NUP188: variants seen among roughly 807,000 people sequenced by gnomAD.
NUP188 encodes the protein nucleoporin NUP188.
Under a neutral mutation model 223.0 loss-of-function variants are expected in NUP188, and 97 were observed. That is an observed-to-expected ratio of 0.43 (90% CI 0.37 to 0.51). NUP188 has a LOEUF of 0.51. Among genes scored for constraint, NUP188 ranks in the 20% least tolerant of loss-of-function variants. NUP188 has a pLI of 0.00. For synonymous variants in NUP188, 869 were observed against 828.0 expected (o/e 1.05, Z -0.85); for missense variants, 1,947 against 2,175.6 (o/e 0.89, Z 2.09).
chr9:128,993,942 A>C (rs1276322256), intron 27 of NUP188, among the ~76,000 whole-genome samples: 1 of 152,230 alleles, frequency 6.6e-6, no homozygotes, highest in Non-Finnish European at 1.5e-5. Context: ...TAGCTGCATC[A>C]AAACTCATTA....
chr9:129,003,168 G>A, intron 37 of NUP188, 149 bp from the exon 38 acceptor site: 1 of 1,152,964 alleles, frequency 8.7e-7, no homozygotes, highest in Admixed American at 2.4e-5. Flanking sequence ...ACGGTCTCGG[G>A]TCAGAATCCT....
intron 4 of NUP188, among the ~76,000 whole-genome samples, chr9:128,956,641 G>A (rs561660716): frequency 6.6e-6 from 1 of 152,284 alleles, no homozygotes; most frequent in South Asian, 2.1e-4. Context: ...TTCTTCACCA[G>A]ACATGTGGTG....
intron 25 of NUP188, 177 bp from the exon 26 acceptor site, chr9:128,993,020 T>C (rs1217954164): frequency 1.7e-6 from 1 of 600,730 alleles, no homozygotes. Context: ...GTCTTTCCTG[T>C]GAATTTGCGG....
chr9:129,005,257 C>G, intron 39 of NUP188, 36 bp downstream of exon 39: 1 of 1,612,932 alleles, frequency 6.2e-7, no homozygotes, highest in South Asian at 1.1e-5. Flanking sequence ...TGGAATACCT[C>G]ACGCTAGCTT....
At chr9:128,988,903 G>C (rs1389722116) in intron 24 of NUP188, among the ~76,000 whole-genome samples, 2 of 150,808 alleles carry the variant, frequency 1.3e-5, no homozygotes, top group Non-Finnish European at 3.0e-5. Flanking sequence ...TTTTTGTTTT[G>C]TTTTGTTTTA....
At chr9:128,984,124 A>ATTTTTTTTTTTTTTTTTTTTTTTTTTTTT (rs1193631566) in intron 19 of NUP188, among the ~76,000 whole-genome samples, 8 of 93,048 alleles carry the variant, frequency 8.6e-5, no homozygotes, top group African/African-American at 2.4e-4. Context: ...GCCTGGCCTG[A>ATTTTTTTTTTTTTTTTTTTTTTTTTTTTT]TTTTTTTTTT....
Position 129,001,528 on chromosome 9 carries a change from G to C in NUP188, c.3844-1G>C. On this transcript the variant is annotated splice_acceptor_variant, in intron 34 of 43. Coordinates refer to ENST00000372577, the MANE Select transcript of NUP188 (RefSeq NM_015354.3). LOFTEE classifies it high-confidence loss of function. ...TTTTACTCATCTTTGCCTCTGGGCAGGTGTGTGTCCTGGGCCTGCACCTGG... is the reference window on the plus strand; with the variant it reads ...TTTTACTCATCTTTGCCTCTGGGCACGTGTGTGTCCTGGGCCTGCACCTGG... The C allele has an allele frequency of 6.2e-7, 1 of 1,612,538 alleles. No individual in the cohort carries two copies. The highest frequency in any genetic ancestry group is 1.1e-5 in the South Asian group (1 of 91,070).
Position 129,006,484 on chromosome 9 carries a change from C to G in NUP188, c.5074-18C>G. On this transcript the variant is annotated intron_variant, in intron 43 of 43. Coordinates refer to ENST00000372577, the MANE Select transcript of NUP188 (RefSeq NM_015354.3). ...GCCAGATGTGCTGAGCCTCACCAAGCCACTTTTTTTCTTGTAGAGCACGCT... is the reference window on the plus strand; with the variant it reads ...GCCAGATGTGCTGAGCCTCACCAAGGCACTTTTTTTCTTGTAGAGCACGCT... 1 of 1,611,682 alleles carries G rather than the reference C, an allele frequency of 6.2e-7. No homozygotes were observed.
At chr9:128,991,128 C>T (rs1049920750) in intron 25 of NUP188, among the ~76,000 whole-genome samples, 12 of 150,728 alleles carry the variant, frequency 8.0e-5, no homozygotes, top group Non-Finnish European at 1.5e-4. Flanking sequence ...CCAAGAATCC[C>T]TATGGGCAGG....
chr9:128,954,178 G>T (rs961360967), intron 3 of NUP188, among the ~76,000 whole-genome samples: 1 of 151,530 alleles, frequency 6.6e-6, no homozygotes, highest in Admixed American at 6.6e-5. Flanking sequence ...CAACCTAGTT[G>T]TCAAGTGCCT....
Position 128,975,514 on chromosome 9 carries a change from G to A in NUP188, c.1203+2265G>A, listed in dbSNP as rs1234410652. 4.7e-5 allele frequency among the ~76,000 whole-genome samples: 7 copies of A among 149,360 alleles called. No individual in the cohort carries two copies. The East Asian group carries it at 9.9e-4, about 21-fold the overall frequency. ...TAGGATTACAGGCGTGAGCCACCGC[G>A]CCTGGCCTTATTTATTTTTCTTTAA... On this transcript the variant is annotated intron_variant, in intron 12 of 43. Coordinates refer to ENST00000372577, the MANE Select transcript of NUP188 (RefSeq NM_015354.3).
rs374939903 is a variant in NUP188, at chr9:128,964,477, A to C, written c.586-4029A>C. Among the ~76,000 whole-genome samples the C allele has an allele frequency of 3.7e-4, 56 of 150,384 alleles. 1 individual carries two copies. The highest frequency in any genetic ancestry group is 1.3e-3 in the African/African-American group (53 of 40,938). ...CCCTGACTCAAGTGACCCTCCTGTCACAGCCCCACAAGTAGCTGGGACTAC... is the reference window on the plus strand; with the variant it reads ...CCCTGACTCAAGTGACCCTCCTGTCCCAGCCCCACAAGTAGCTGGGACTAC... On this transcript the variant is annotated intron_variant, in intron 8 of 43. Coordinates refer to ENST00000372577, the MANE Select transcript of NUP188 (RefSeq NM_015354.3).
At chr9:128,985,784 C>T (rs1461156084) in intron 20 of NUP188, among the ~76,000 whole-genome samples, 2 of 152,148 alleles carry the variant, frequency 1.3e-5, no homozygotes, top group African/African-American at 2.4e-5. Context: ...CCTGTAATCC[C>T]AGCACTTTGG....
At chr9:128,949,316 T>G in intron 2 of NUP188, 73 bp downstream of exon 2, 1 of 1,058,990 alleles carries the variant, frequency 9.4e-7, no homozygotes, top group East Asian at 2.4e-5. Context: ...AAACCTTTTT[T>G]TAAATGTAGG....
chr9:128,960,133 C>T (rs1306558655), intron 8 of NUP188, among the ~76,000 whole-genome samples: 1 of 146,518 alleles, frequency 6.8e-6, no homozygotes, highest in East Asian at 2.0e-4. Context: ...GTGAGATCTC[C>T]ACTCACTGCA....
chr9:128,993,431 G>C lies in NUP188; in HGVS notation c.2847+28G>C, dbSNP rs377759821. The C allele has an allele frequency of 2.5e-6, 4 of 1,613,214 alleles. No homozygotes were observed. In the African/African-American group the frequency reaches 5.3e-5, roughly 22 times the overall value. On this transcript the variant is annotated intron_variant, in intron 26 of 43. Coordinates refer to ENST00000372577, the MANE Select transcript of NUP188 (RefSeq NM_015354.3). Reference sequence around the variant, plus strand: ...AAGCCTGTAACCTGGGATGACACTGGGAGTTGGCTCACTGGGAGGCAGATG... The same window carrying C: ...AAGCCTGTAACCTGGGATGACACTGCGAGTTGGCTCACTGGGAGGCAGATG...
rs746238088 is a variant in NUP188, at chr9:128,973,201, C to G, written c.1155C>G (p.Leu385=). 1.4e-5 allele frequency: 22 copies of G among 1,613,590 alleles called. No individual in the cohort carries two copies. The highest frequency in any genetic ancestry group is 2.2e-5 in the East Asian group (1 of 44,884). Reference sequence around the variant, plus strand: ...CATGCATGTGTGTCTATGGACTGCTCTCTTTCGTTCTGACCTCGTTGGAGC... The same window carrying G: ...CATGCATGTGTGTCTATGGACTGCTGTCTTTCGTTCTGACCTCGTTGGAGC... ...STACMCVYGL[L]SFVLTSLELH... The change falls in exon 12 of 44, where the codon CTC becomes CTG. Residue 385 remains leucine, a synonymous_variant. Transcript: ENST00000372577.
At chr9:128,964,268 C>T in intron 8 of NUP188, 1 of 382,206 alleles carries the variant, frequency 2.6e-6, no homozygotes. Flanking sequence ...TGTCAGAGTT[C>T]TTTATATACA....
intron 8 of NUP188, among the ~76,000 whole-genome samples, chr9:128,960,317 C>T (rs1352473617): frequency 2.6e-5 from 4 of 151,680 alleles, no homozygotes; most frequent in East Asian, 1.9e-4. Context: ...TCTATCTCCC[C>T]GCCTCAGCCT....
Sources: gnomAD v4.1 joint callset for allele counts (sites outside exome capture counted in the v4.1 genomes callset) on GRCh38, gnomAD v4.1.1 for gene constraint, MANE v1.5 for transcripts, NCBI Gene and HGNC (gene_info 2026-07-23, HGNC 2026-07-21) for gene names.